Variants in DAB1 observed in about 807,000 individuals in gnomAD.
DAB1 encodes DAB adaptor protein 1, also known as disabled homolog 1.
In DAB1, 15 loss-of-function variants were observed where a neutral mutation model predicts 64.6. The observed-to-expected ratio is 0.23, with a 90% CI of 0.16 to 0.36. The LOEUF is 0.36. Among genes scored for constraint, DAB1 ranks in the 10% least tolerant of loss-of-function variants. The pLI is 1.00. For missense variants in DAB1, 596 were observed against 706.7 expected (o/e 0.84, Z 1.78); for synonymous variants, 235 against 251.9 (o/e 0.93, Z 0.64).
chr1:57,389,310 C>T (rs917520078), intron 1 of DAB1, among the ~76,000 whole-genome samples: 1 of 152,188 alleles, frequency 6.6e-6, no homozygotes, highest in Non-Finnish European at 1.5e-5. Context: ...GTTTCAATGG[C>T]TCCCCATTAC....
At chr1:57,778,695 G>T (rs1259988365) in intron 6 of DAB1, among the ~76,000 whole-genome samples, 4 of 152,060 alleles carry the variant, frequency 2.6e-5, no homozygotes, top group Non-Finnish European at 4.4e-5. Context: ...TTGCTATATA[G>T]ATAAATAACT....
At chr1:57,261,270 A>T (rs566005916) in intron 2 of DAB1, among the ~76,000 whole-genome samples, 5 of 152,226 alleles carry the variant, frequency 3.3e-5, no homozygotes, top group East Asian at 1.9e-4. Flanking sequence ...GACATATTTT[A>T]TCAGACAAAC....
intron 5 of DAB1, among the ~76,000 whole-genome samples, chr1:58,102,753 A>G (rs1651398520): frequency 6.6e-6 from 1 of 152,212 alleles, no homozygotes; most frequent in African/African-American, 2.4e-5. Context: ...AATGTACTGA[A>G]AAGCTTGGTA....
intron 2 of DAB1, among the ~76,000 whole-genome samples, chr1:58,519,698 G>A (rs192343638): frequency 8.9e-4 from 136 of 152,008 alleles, no homozygotes; most frequent in Middle Eastern, 6.8e-3. Context: ...CAACAGAAAC[G>A]GACCCAGCTA....
At chr1:58,519,467 T>C (rs1042564723) in intron 2 of DAB1, among the ~76,000 whole-genome samples, 10 of 152,142 alleles carry the variant, frequency 6.6e-5, no homozygotes, top group Admixed American at 1.3e-4. Context: ...CCTACAATCT[T>C]ACAGTAGAGC....
At chr1:57,223,810 G>T (rs1667060599) in intron 2 of DAB1, among the ~76,000 whole-genome samples, 1 of 152,176 alleles carries the variant, frequency 6.6e-6, no homozygotes, top group Non-Finnish European at 1.5e-5. Flanking sequence ...CAGGGCCTGA[G>T]CTGGTCCTGC....
intron 6 of DAB1, among the ~76,000 whole-genome samples, chr1:57,699,033 G>A (rs1377866470): frequency 1.3e-5 from 2 of 152,100 alleles, no homozygotes; most frequent in African/African-American, 4.8e-5. Context: ...GAATTCCTGG[G>A]CTCAAGCCAT....
chr1:57,177,445 A>G (rs1183241296), intron 2 of DAB1, among the ~76,000 whole-genome samples: 3 of 152,142 alleles, frequency 2.0e-5, no homozygotes, highest in Non-Finnish European at 4.4e-5. Context: ...AGAGGGAAAA[A>G]AAGATGTTTT....
chr1:57,180,874 A>G (rs1016086033), intron 2 of DAB1, among the ~76,000 whole-genome samples: 10 of 152,230 alleles, frequency 6.6e-5, no homozygotes, highest in African/African-American at 2.4e-4. Flanking sequence ...TAGAAGAAGT[A>G]ACCTTTCTTT....
chr1:57,354,733 A>T (rs910943847), intron 1 of DAB1, among the ~76,000 whole-genome samples: 1 of 152,162 alleles, frequency 6.6e-6, no homozygotes, highest in African/African-American at 2.4e-5. Flanking sequence ...TGAGCAATCC[A>T]TCATGCTTTG....
chr1:57,975,631 A>G (rs1187980), intron 5 of DAB1, among the ~76,000 whole-genome samples: 129,417 of 152,160 alleles, frequency 0.85, 55,806 homozygotes, highest in South Asian at 0.94. Flanking sequence ...AAGTTTGACT[A>G]CTTATCATGT....
At chr1:58,121,863 C>A (rs1458706648) in intron 5 of DAB1, among the ~76,000 whole-genome samples, 1 of 152,166 alleles carries the variant, frequency 6.6e-6, no homozygotes, top group Non-Finnish European at 1.5e-5. Flanking sequence ...TCTTCTCACT[C>A]CTTTCCTTGC....
intron 4 of DAB1, among the ~76,000 whole-genome samples, chr1:58,165,618 A>G (rs1274375219): frequency 6.6e-6 from 1 of 152,240 alleles, no homozygotes; most frequent in African/African-American, 2.4e-5. Context: ...ACACTCTCAT[A>G]TAAGTGGCTA....
At chr1:58,543,263 AATTGACAGC>A (rs748558156) in intron 1 of DAB1, among the ~76,000 whole-genome samples, 1 of 152,192 alleles carries the variant, frequency 6.6e-6, no homozygotes, top group Non-Finnish European at 1.5e-5. Context: ...TGTTTTTGTA[AATTGACAGC>A]ATTTTAATAT....
chr1:57,166,378 T>C (rs907498661), intron 2 of DAB1, among the ~76,000 whole-genome samples: 1 of 152,062 alleles, frequency 6.6e-6, no homozygotes, highest in Non-Finnish European at 1.5e-5. Flanking sequence ...AAATTATAGG[T>C]GCACTAAATT....
chr1:57,051,188 A>G (rs969160701), intron 9 of DAB1, among the ~76,000 whole-genome samples: 1 of 152,240 alleles, frequency 6.6e-6, no homozygotes, highest in African/African-American at 2.4e-5. Context: ...ACAACCTTAT[A>G]TTTCATTTGT....
chr1:58,214,073 C>T (rs1036321341), intron 4 of DAB1, among the ~76,000 whole-genome samples: 3 of 152,106 alleles, frequency 2.0e-5, no homozygotes, highest in African/African-American at 4.8e-5. Context: ...CATAGTTACA[C>T]GGGAAAAAAG....
intron 7 of DAB1, among the ~76,000 whole-genome samples, chr1:57,456,350 A>G (rs924092656): frequency 2.0e-5 from 3 of 152,198 alleles, no homozygotes; most frequent in African/African-American, 7.2e-5. Context: ...CACCATTAAA[A>G]GAGACTAACA....
chr1:57,039,173 T>C (rs1647386569), intron 9 of DAB1, among the ~76,000 whole-genome samples: 1 of 152,210 alleles, frequency 6.6e-6, no homozygotes, highest in African/African-American at 2.4e-5. Context: ...TTTCCTTGAA[T>C]AAAGTTTATC....
Sources: gnomAD v4.1 joint callset for allele counts (sites outside exome capture counted in the v4.1 genomes callset) on GRCh38, gnomAD v4.1.1 for gene constraint, MANE v1.5 for transcripts, NCBI Gene and HGNC (gene_info 2026-07-23, HGNC 2026-07-21) for gene names.